CD86: variants seen among roughly 807,000 people sequenced by gnomAD.
CD86 encodes CD86 molecule.
Under a neutral mutation model 32.1 loss-of-function variants are expected in CD86, and 11 were observed. The ratio of observed to expected loss-of-function variants is 0.34; its 90% CI spans 0.22 to 0.57. The LOEUF (loss-of-function observed/expected upper bound fraction) is 0.57. CD86 is among the 20% of genes least tolerant of loss of function. CD86 has a pLI of 0.86. For synonymous variants in CD86, 137 were observed against 135.3 expected (o/e 1.01, Z -0.09); for missense variants, 359 against 398.4 (o/e 0.90, Z 0.84).
Position 122,103,841 on chromosome 3 carries a change from G to T in CD86, c.394G>T (p.Val132Leu). The T allele has an allele frequency of 6.2e-7, 1 of 1,612,118 alleles. No individual in the cohort carries two copies. Among genetic ancestry groups the T allele is most frequent in the Non-Finnish European group, 8.5e-7 (1 of 1,178,526 alleles). Residue 132 changes from valine (V) to leucine (L), a missense_variant, in exon 3 of 7, where the codon GTG becomes TTG. Transcript: ENST00000330540. ...CCACCAGATGAATTCTGAACTGTCA[G>T]TGCTTGGTATGTGGTCAATGGTGTG... ...RIHQMNSELS[V>L]LANFSQPEIV...
At chr3:122,106,123 C>T in intron 3 of CD86, 75 bp from the exon 4 acceptor site, 1 of 1,154,448 alleles carries the variant, frequency 8.7e-7, no homozygotes, top group South Asian at 1.6e-5. Flanking sequence ...AGATCAAGTA[C>T]CCAGTTATTT....
chr3:122,082,352 A>G (rs1332851700), intron 1 of CD86, among the ~76,000 whole-genome samples: 1 of 152,190 alleles, frequency 6.6e-6, no homozygotes, highest in Admixed American at 6.5e-5. Flanking sequence ...ATTTGCAGAC[A>G]CCCAGCATAT....
intron 1 of CD86, among the ~76,000 whole-genome samples, chr3:122,078,473 C>T (rs2072585470): frequency 6.6e-6 from 1 of 152,174 alleles, no homozygotes; most frequent in South Asian, 2.1e-4. Context: ...CCTCCTCTTG[C>T]AGCCTCTCTG....
At chr3:122,090,688 T>G (rs2072802324) in intron 1 of CD86, among the ~76,000 whole-genome samples, 1 of 152,200 alleles carries the variant, frequency 6.6e-6, no homozygotes, top group Admixed American at 6.5e-5. Context: ...CCTTATTCTT[T>G]GCTTCCTTAT....
At chr3:122,081,954 A>G (rs2072640693) in intron 1 of CD86, among the ~76,000 whole-genome samples, 1 of 152,178 alleles carries the variant, frequency 6.6e-6, no homozygotes, top group African/African-American at 2.4e-5. Context: ...TAAATGTACC[A>G]TATTGTCTAC....
intron 1 of CD86, among the ~76,000 whole-genome samples, chr3:122,081,715 A>G (rs1382520628): frequency 2.0e-5 from 3 of 152,228 alleles, no homozygotes; most frequent in African/African-American, 4.8e-5. Context: ...CTTAAAACCA[A>G]TACAGGGTGG....
At chr3:122,108,471 T>C (rs2073124385) in intron 4 of CD86, among the ~76,000 whole-genome samples, 2 of 152,202 alleles carry the variant, frequency 1.3e-5, no homozygotes, top group Non-Finnish European at 2.9e-5. Context: ...CTACAAATTA[T>C]AGCTAAGCTA....
chr3:122,060,226 C>G (rs944066903), intron 1 of CD86, among the ~76,000 whole-genome samples: 10 of 152,192 alleles, frequency 6.6e-5, no homozygotes, highest in Admixed American at 2.0e-4. Context: ...AGGTCAAATT[C>G]TGCAGAAAGG....
chr3:122,094,188 A>G (rs910553769), intron 2 of CD86, among the ~76,000 whole-genome samples: 10 of 152,176 alleles, frequency 6.6e-5, no homozygotes, highest in African/African-American at 2.4e-4. Flanking sequence ...TCCAGAAAAC[A>G]CTAAACTGGA....
At chr3:122,064,386 C>A (rs2072384146) in intron 1 of CD86, among the ~76,000 whole-genome samples, 1 of 152,108 alleles carries the variant, frequency 6.6e-6, no homozygotes, top group Admixed American at 6.6e-5. Flanking sequence ...CATTGCTCTG[C>A]TGAGCAGGAT....
At chr3:122,106,593 C>G in intron 4 of CD86, 93 bp downstream of exon 4, 1 of 1,155,250 alleles carries the variant, frequency 8.7e-7, no homozygotes, top group East Asian at 2.4e-5. Flanking sequence ...GCTAGGAAAC[C>G]TCCAACTGGG....
chr3:122,076,662 AGT>A (rs2072560628), intron 1 of CD86, among the ~76,000 whole-genome samples: 1 of 152,224 alleles, frequency 6.6e-6, no homozygotes, highest in Non-Finnish European at 1.5e-5. Context: ...AGACCTCTGT[AGT>A]GACAGAAGGG....
intron 2 of CD86, among the ~76,000 whole-genome samples, chr3:122,098,757 G>A (rs1041753293): frequency 6.6e-6 from 1 of 152,182 alleles, no homozygotes; most frequent in African/African-American, 2.4e-5. Flanking sequence ...TCTGGCTGTA[G>A]TAGTTCTAGA....
chr3:122,083,613 G>A (rs994296234), intron 1 of CD86, among the ~76,000 whole-genome samples: 5 of 152,106 alleles, frequency 3.3e-5, no homozygotes, highest in Non-Finnish European at 5.9e-5. Context: ...ATTTGAGCGG[G>A]CCTTGGCTGA....
intron 1 of CD86, among the ~76,000 whole-genome samples, chr3:122,074,769 T>G (rs1249603580): frequency 3.3e-5 from 5 of 152,154 alleles, no homozygotes; most frequent in Non-Finnish European, 7.4e-5. Context: ...CCTGTCCTCC[T>G]CTGGTTGCTT....
At chr3:122,109,226 G>C (rs1213184470) in intron 4 of CD86, 39 bp from the exon 5 acceptor site, 1 of 1,595,294 alleles carries the variant, frequency 6.3e-7, no homozygotes, top group Non-Finnish European at 8.5e-7. Flanking sequence ...TTTTGTAAAT[G>C]ACTCTCCTGG....
At chr3:122,107,371 T>C (rs2073108366) in intron 4 of CD86, among the ~76,000 whole-genome samples, 1 of 152,156 alleles carries the variant, frequency 6.6e-6, no homozygotes, top group African/African-American at 2.4e-5. Context: ...GCAGGAGGTA[T>C]GTCAAAGAAA....
At chr3:122,110,205 A>T (rs1470485375) in intron 5 of CD86, among the ~76,000 whole-genome samples, 2 of 152,240 alleles carry the variant, frequency 1.3e-5, no homozygotes, top group African/African-American at 4.8e-5. Context: ...TTTTGTGGAT[A>T]CACCATAATT....
At chr3:122,077,229 GAA>G (rs2072567720) in intron 1 of CD86, among the ~76,000 whole-genome samples, 2 of 152,182 alleles carry the variant, frequency 1.3e-5, no homozygotes, top group Non-Finnish European at 2.9e-5. Flanking sequence ...ACATACGAGT[GAA>G]ACCTGTCCCC....
Sources: gnomAD v4.1 joint callset for allele counts (sites outside exome capture counted in the v4.1 genomes callset) on GRCh38, gnomAD v4.1.1 for gene constraint, MANE v1.5 for transcripts, NCBI Gene and HGNC (gene_info 2026-07-23, HGNC 2026-07-21) for gene names.